Variants in DCDC1 observed in about 807,000 individuals in gnomAD.
The protein encoded by DCDC1 is doublecortin domain-containing protein 1.
Under a neutral mutation model 178.3 loss-of-function variants are expected in DCDC1, and 200 were observed. The observed-to-expected ratio is 1.12, with a 90% confidence interval of 1.00 to 1.26. DCDC1 has a LOEUF of 1.26. Ranked by LOEUF, DCDC1 falls within the 50% of genes most tolerant of loss-of-function variation. The pLI is 0.00. For missense variants in DCDC1, 1,983 were observed against 1,749.2 expected (o/e 1.13, Z -2.38); for synonymous variants, 690 against 604.8 (o/e 1.14, Z -2.07).
At chr11:31,349,913 T>C (rs1202996512) in intron 1 of DCDC1, among the ~76,000 whole-genome samples, 2 of 152,208 alleles carry the variant, frequency 1.3e-5, no homozygotes, top group African/African-American at 4.8e-5. Context: ...TGTTACTAAA[T>C]ATTTGTTGAG....
chr11:31,131,672 C>T (rs577779134), intron 10 of DCDC1, among the ~76,000 whole-genome samples: 4 of 152,144 alleles, frequency 2.6e-5, no homozygotes, highest in Non-Finnish European at 5.9e-5. Flanking sequence ...GACTCCATTT[C>T]CGAAAAATAC....
intron 8 of DCDC1, among the ~76,000 whole-genome samples, chr11:31,256,234 G>A (rs530203218): frequency 1.3e-5 from 2 of 152,246 alleles, no homozygotes; most frequent in East Asian, 3.9e-4. Context: ...AGTTTTACTT[G>A]TAGTAAGTTT....
intron 20 of DCDC1, among the ~76,000 whole-genome samples, chr11:30,970,462 T>C (rs1051403068): frequency 1.3e-5 from 2 of 152,156 alleles, no homozygotes; most frequent in Admixed American, 1.3e-4. Flanking sequence ...AAGCTGTAAG[T>C]TGTGACCCCA....
chr11:31,044,634 A>G (rs931066699), intron 20 of DCDC1, among the ~76,000 whole-genome samples: 1 of 152,148 alleles, frequency 6.6e-6, no homozygotes, highest in Non-Finnish European at 1.5e-5. Context: ...CATCTGTCTT[A>G]TAACTACGAA....
intron 22 of DCDC1, among the ~76,000 whole-genome samples, chr11:30,927,159 G>A (rs1946638210): frequency 6.6e-6 from 1 of 151,750 alleles, no homozygotes; most frequent in African/African-American, 2.4e-5. Context: ...TTCTCCCTGT[G>A]GCCTTCTCCG....
At chr11:31,007,807 C>T (rs576773648) in intron 20 of DCDC1, among the ~76,000 whole-genome samples, 85 of 151,946 alleles carry the variant, frequency 5.6e-4, no homozygotes, top group Non-Finnish European at 6.0e-4. Flanking sequence ...GGATTACAGG[C>T]GTCTGCCACC....
chr11:31,290,691 G>A lies in DCDC1; in HGVS notation c.916C>T (p.Gln306Ter). 6.2e-7 allele frequency: 1 copy of A among 1,613,148 alleles called. No individual in the cohort carries two copies. The highest frequency in any genetic ancestry group is 8.5e-7 in the Non-Finnish European group (1 of 1,179,452). ...CCCACTGTAATCTCATGCCCATCCTGCCCCATGCCATTCTTAAAGAACAGA... is the reference window on the plus strand; with the variant it reads ...CCCACTGTAATCTCATGCCCATCCTACCCCATGCCATTCTTAAAGAACAGA... Reference protein sequence around the residue: ...RILFFKNGMGQDGHEITVGKE... With the variant: ...RILFFKNGMG The change falls in exon 7 of 39, where the codon CAG becomes TAG. Residue 306 changes from glutamine (Q) to a stop codon, truncating the protein, a stop_gained. Coordinates refer to ENST00000684477, the MANE Select transcript of DCDC1 (RefSeq NM_001387274.1). LOFTEE classifies it high-confidence loss of function.
chr11:31,307,945 G>T, intron 3 of DCDC1, 37 bp from the exon 4 acceptor site: 1 of 1,607,554 alleles, frequency 6.2e-7, no homozygotes, highest in Non-Finnish European at 8.5e-7. Flanking sequence ...ACAATTAATT[G>T]ATTTGTAATC....
chr11:31,302,138 A>G (rs1042175354), intron 6 of DCDC1, among the ~76,000 whole-genome samples: 1 of 152,224 alleles, frequency 6.6e-6, no homozygotes, highest in Non-Finnish European at 1.5e-5. Flanking sequence ...TCCATACAAC[A>G]GAACTTGGAC....
At chr11:31,124,272 G>C (rs1424831030) in intron 11 of DCDC1, among the ~76,000 whole-genome samples, 2 of 152,068 alleles carry the variant, frequency 1.3e-5, no homozygotes, top group Admixed American at 1.3e-4. Flanking sequence ...CATCTCTTGA[G>C]ATAATCATGT....
chr11:31,250,430 G>GTATATATATATA lies in DCDC1; in HGVS notation c.1055-8826_1055-8815dup, dbSNP rs1376992040. 5.9e-5 allele frequency among the ~76,000 whole-genome samples: 5 copies of GTATATATATATA among 84,848 alleles called. 1 individual carries two copies. Among genetic ancestry groups the GTATATATATATA allele is most frequent in the Non-Finnish European group, 1.2e-4 (5 of 41,470 alleles). 55.7% of individuals were successfully genotyped at this position (84,848 alleles called of 152,430 possible). A position where few individuals can be genotyped will look rare whatever the true frequency, so the allele number is the denominator to read the frequency against. ...CACACACACACATATACATATATAT[G>GTATATATATATA]TATATATATATATATCCCTGCCTGG... is the stretch of plus-strand genomic sequence containing the variant. On this transcript the variant is annotated intron_variant, in intron 8 of 38. Coordinates refer to ENST00000684477, the MANE Select transcript of DCDC1 (RefSeq NM_001387274.1).
intron 9 of DCDC1, among the ~76,000 whole-genome samples, chr11:31,142,315 T>C (rs746098091): frequency 3.3e-5 from 5 of 152,200 alleles, no homozygotes; most frequent in Non-Finnish European, 5.9e-5. Context: ...GTTGCCTACC[T>C]GTCCACAAAA....
intron 7 of DCDC1, among the ~76,000 whole-genome samples, chr11:31,267,193 A>ATT (rs397848314): frequency 5.9e-4 from 87 of 147,606 alleles, no homozygotes; most frequent in East Asian, 3.4e-3. Context: ...TGTTATAGGA[A>ATT]TTTTTTTTTT....
intron 20 of DCDC1, among the ~76,000 whole-genome samples, chr11:31,062,445 C>T (rs183752698): frequency 6.6e-6 from 1 of 152,026 alleles, no homozygotes; most frequent in Non-Finnish European, 1.5e-5. Flanking sequence ...CTTGACTATC[C>T]GGCTGCTCAG....
intron 15 of DCDC1, among the ~76,000 whole-genome samples, chr11:31,095,767 G>A (rs1438996519): frequency 6.6e-6 from 1 of 152,020 alleles, no homozygotes; most frequent in African/African-American, 2.4e-5. Context: ...AAATTATTAG[G>A]CACTCACATC....
chr11:30,990,658 G>A (rs1267455557), intron 20 of DCDC1, among the ~76,000 whole-genome samples: 1 of 152,194 alleles, frequency 6.6e-6, no homozygotes, highest in Non-Finnish European at 1.5e-5. Context: ...TTTACCTCGG[G>A]TAGTAAGGTC....
chr11:31,244,904 T>C (rs114557759), intron 8 of DCDC1, among the ~76,000 whole-genome samples: 185 of 151,786 alleles, frequency 1.2e-3, no homozygotes, highest in African/African-American at 4.2e-3. Flanking sequence ...TGTTGATAAA[T>C]CATGTGACCA....
chr11:31,324,604 G>A (rs1237858972), intron 3 of DCDC1, among the ~76,000 whole-genome samples: 1 of 152,106 alleles, frequency 6.6e-6, no homozygotes, highest in African/African-American at 2.4e-5. Flanking sequence ...CAGTGAAGGT[G>A]TGACCATGCT....
chr11:30,970,836 G>A (rs1949735595), intron 20 of DCDC1, among the ~76,000 whole-genome samples: 2 of 152,184 alleles, frequency 1.3e-5, no homozygotes, highest in African/African-American at 4.8e-5. Flanking sequence ...GCATCTGCAT[G>A]CACCATAGGG....
Sources: gnomAD v4.1 joint callset for allele counts (sites outside exome capture counted in the v4.1 genomes callset) on GRCh38, gnomAD v4.1.1 for gene constraint, MANE v1.5 for transcripts, NCBI Gene and HGNC (gene_info 2026-07-23, HGNC 2026-07-21) for gene names.